Variants in DPYSL2 observed in about 807,000 individuals in gnomAD.
The protein encoded by DPYSL2 is dihydropyrimidinase like 2, also known as dihydropyrimidinase-related protein 2.
A neutral mutation model predicts 69.9 loss-of-function variants in DPYSL2; 13 were observed. The observed-to-expected ratio is 0.19, with a 90% CI of 0.12 to 0.30. DPYSL2 has a LOEUF of 0.30. Among genes scored for constraint, DPYSL2 ranks in the 10% least tolerant of loss-of-function variants. The probability of loss-of-function intolerance (pLI) is 1.00; values close to 1 mark genes in which losing one functional copy is unlikely to be tolerated. For synonymous variants in DPYSL2, 326 were observed against 359.1 expected (o/e 0.91, Z 1.04); for missense variants, 587 against 918.9 (o/e 0.64, Z 4.67).
chr8:26,594,414 G>A (rs770582601), intron 3 of DPYSL2, among the ~76,000 whole-genome samples: 1 of 151,924 alleles, frequency 6.6e-6, no homozygotes, highest in Non-Finnish European at 1.5e-5. Flanking sequence ...ATAGCCAGGT[G>A]GCCTCCAGAA....
intron 7 of DPYSL2, 90 bp downstream of exon 7, chr8:26,628,030 G>T: frequency 7.6e-7 from 1 of 1,322,092 alleles, no homozygotes; most frequent in South Asian, 1.3e-5. Context: ...TGTTGAGAAG[G>T]GGGCTTCTCT....
chr8:26,555,588 AAAG>A lies in DPYSL2; in HGVS notation c.355-26376_355-26374del, dbSNP rs557922360. ...TCTACAATTCCCTATGCACAAAATC[AAAG>A]AAGATCTAAATATATGGAAAGGCTT... On this transcript the variant is annotated intron_variant, in intron 1 of 13. Transcript: ENST00000521913. 3.1e-3 allele frequency among the ~76,000 whole-genome samples: 478 copies of A among 152,244 alleles called. 1 individual carries two copies. Among genetic ancestry groups the A allele is most frequent in the African/African-American group, 0.01 (428 of 41,544 alleles).
intron 1 of DPYSL2, chr8:26,578,029 C>T: frequency 7.1e-7 from 1 of 1,402,480 alleles, no homozygotes; most frequent in Non-Finnish European, 9.2e-7. Context: ...TTTTTTTCCG[C>T]CCTAGCTGGG....
intron 1 of DPYSL2, among the ~76,000 whole-genome samples, chr8:26,550,446 A>G (rs906782025): frequency 6.6e-6 from 1 of 152,244 alleles, no homozygotes. Flanking sequence ...CCAACTATCA[A>G]TAATCACTTA....
In DPYSL2 at chr8:26,564,240, T is replaced by C. The variant is rs1801115652; in HGVS notation, c.355-17729T>C. 1.3e-5 allele frequency among the ~76,000 whole-genome samples: 2 copies of C among 152,038 alleles called. No individual in the cohort carries two copies. Among genetic ancestry groups the C allele is most frequent in the Admixed American group, 6.6e-5 (1 of 15,260 alleles). On this transcript the variant is annotated intron_variant, in intron 1 of 13. Transcript: ENST00000521913. This position sits in a 1 kb window ranked among gnomAD's most constrained non-coding sequence, Gnocchi z 4.8. ...AGGCGAAGAGGCCAACTGTAGTGGG[T>C]TGAGAAGCAAATGGGAGTGGAAGTT... is the stretch of plus-strand genomic sequence containing the variant.
At position 26,644,167 on chromosome 8, in the gene DPYSL2, TGGA is replaced by T; in HGVS notation, c.1425+79_1425+81del. On this transcript the variant is annotated intron_variant, in intron 10 of 13. Coordinates refer to ENST00000521913, the MANE Select transcript of DPYSL2 (RefSeq NM_001197293.3). The surrounding 1 kb of genome is among the most constrained non-coding windows in gnomAD (Gnocchi z 4.5). ...CCTCATCTGGGGGCCATGGGGCTCATGGAGGCCTTGAAATGACAGACAGTGGAG... is the reference window on the plus strand; with the variant it reads ...CCTCATCTGGGGGCCATGGGGCTCATGGCCTTGAAATGACAGACAGTGGAG... 6.5e-7 allele frequency: 1 copy of T among 1,536,656 alleles called. No individual in the cohort carries two copies. The highest frequency in any genetic ancestry group is 2.3e-5 in the East Asian group (1 of 43,122).
At chr8:26,651,810 G>A (rs141101261) in intron 11 of DPYSL2, among the ~76,000 whole-genome samples, 14 of 152,136 alleles carry the variant, frequency 9.2e-5, no homozygotes, top group Non-Finnish European at 1.6e-4. Context: ...TAACCACACC[G>A]CAAACAGACT....
chr8:26,527,318 T>C (rs1236149051), intron 1 of DPYSL2, among the ~76,000 whole-genome samples: 1 of 152,250 alleles, frequency 6.6e-6, no homozygotes, highest in Non-Finnish European at 1.5e-5. Flanking sequence ...AGAGATATCT[T>C]CCTACCCTTC....
intron 1 of DPYSL2, chr8:26,548,007 G>T: frequency 3.8e-6 from 1 of 265,690 alleles, no homozygotes; most frequent in African/African-American, 2.2e-5. Context: ...TGTTCCCCTG[G>T]ATAAGACAGA....
rs1585483798 is a variant in DPYSL2, at chr8:26,516,743, G to A, written c.354+2064G>A. On this transcript the variant is annotated intron_variant, in intron 1 of 13. Coordinates refer to ENST00000521913, the MANE Select transcript of DPYSL2 (RefSeq NM_001197293.3). The surrounding 1 kb of genome is among the most constrained non-coding windows in gnomAD (Gnocchi z 4.8). ...TAGTAACAGAGGGCGATTCTAGCTTGGCCTTTCTGCAGCACCTTCCCCTGA... is the reference window on the plus strand; with the variant it reads ...TAGTAACAGAGGGCGATTCTAGCTTAGCCTTTCTGCAGCACCTTCCCCTGA... 6.6e-6 allele frequency among the ~76,000 whole-genome samples: 1 copy of A among 152,208 alleles called. No individual in the cohort carries two copies. Among genetic ancestry groups the A allele is most frequent in the East Asian group, 1.9e-4 (1 of 5,178 alleles).
At chr8:26,520,937 C>G (rs1808374542) in intron 1 of DPYSL2, among the ~76,000 whole-genome samples, 1 of 152,038 alleles carries the variant, frequency 6.6e-6, no homozygotes, top group Admixed American at 6.6e-5. Flanking sequence ...GGTCACTATC[C>G]TGCTTATGAG....
rs327234 is a variant in DPYSL2 at position 26,587,153 on chromosome 8, T to C, written c.628+3170T>C. Among the ~76,000 whole-genome samples, 77,169 of 151,944 alleles carry C rather than the reference T, an allele frequency of 0.51. 20,586 individuals are homozygous for C. The highest frequency in any genetic ancestry group is 0.67 in the African/African-American group (27,679 of 41,412). The stretch of plus-strand genomic sequence containing the variant: ...GTGAGTGAGTGGCTGGGATTTGCTT[T>C]ACAGAGAAGGAGGCCTTGCAAAGAG... On this transcript the variant is annotated intron_variant, in intron 3 of 13. Coordinates refer to ENST00000521913, the MANE Select transcript of DPYSL2 (RefSeq NM_001197293.3). The surrounding 1 kb of genome is among the most constrained non-coding windows in gnomAD (Gnocchi z 4.2).
At chr8:26,557,925 G>A (rs944327951) in intron 1 of DPYSL2, among the ~76,000 whole-genome samples, 23 of 151,684 alleles carry the variant, frequency 1.5e-4, no homozygotes, top group Admixed American at 1.3e-3. Context: ...AGTTCCTGTC[G>A]CTCTACATCC....
chr8:26,632,318 A>C (rs988025462), intron 7 of DPYSL2, among the ~76,000 whole-genome samples: 1 of 152,242 alleles, frequency 6.6e-6, no homozygotes, highest in African/African-American at 2.4e-5. Flanking sequence ...ACTGTGGACA[A>C]GGCGAGGAGA....
rs559292088 is a variant in DPYSL2 at position 26,604,911 on chromosome 8, C to T, written c.629-19232C>T. Among the ~76,000 whole-genome samples the T allele has an allele frequency of 2.0e-3, 303 of 152,140 alleles. 2 individuals are homozygous for T. Among genetic ancestry groups the T allele is most frequent in the Middle Eastern group, 0.01 (3 of 294 alleles). On this transcript the variant is annotated intron_variant, in intron 3 of 13. Transcript: ENST00000521913. Reference sequence around the variant, plus strand: ...CTGACCTCAAGTTATTCACCCACCTCGGCCTCCCAAAGTGCTGGGATTACA... The same window carrying T: ...CTGACCTCAAGTTATTCACCCACCTTGGCCTCCCAAAGTGCTGGGATTACA...
intron 1 of DPYSL2, 38 bp from the exon 2 acceptor site, chr8:26,581,931 C>T: frequency 2.1e-6 from 3 of 1,458,992 alleles, no homozygotes; most frequent in Non-Finnish European, 2.9e-6. Flanking sequence ...TCTCATAGGT[C>T]AGTTACGCGT....
intron 7 of DPYSL2, among the ~76,000 whole-genome samples, chr8:26,633,570 C>A (rs1384958036): frequency 6.6e-6 from 1 of 152,142 alleles, no homozygotes; most frequent in African/African-American, 2.4e-5. Flanking sequence ...TGGGTTCCAG[C>A]GATTCTCCTG....
chr8:26,554,452 C>A (rs1800913782), intron 1 of DPYSL2, among the ~76,000 whole-genome samples: 1 of 148,596 alleles, frequency 6.7e-6, no homozygotes, highest in Non-Finnish European at 1.5e-5. Context: ...AATATTTTTT[C>A]CCATTCTGTA....
At position 26,516,944 on chromosome 8, in the gene DPYSL2, G is replaced by A. The variant is rs572321011; in HGVS notation, c.354+2265G>A. ...TTATATTTATAACAATGTGACTTCCGAAAAGCTCAACTGGCCCACCATTTT... is the reference window on the plus strand; with the variant it reads ...TTATATTTATAACAATGTGACTTCCAAAAAGCTCAACTGGCCCACCATTTT... On this transcript the variant is annotated intron_variant, in intron 1 of 13. Transcript: ENST00000521913. This position sits in a 1 kb window ranked among gnomAD's most constrained non-coding sequence, Gnocchi z 4.8. Among the ~76,000 whole-genome samples the A allele has an allele frequency of 2.6e-4, 39 of 152,260 alleles. No individual in the cohort carries two copies. Among genetic ancestry groups the A allele is most frequent in the Non-Finnish European group, 5.4e-4 (37 of 68,034 alleles).
Sources: gnomAD v4.1 joint callset for allele counts (sites outside exome capture counted in the v4.1 genomes callset) on GRCh38, gnomAD v4.1.1 for gene constraint, Gnocchi (gnomAD v3.1) non-coding constraint, MANE v1.5 for transcripts, NCBI Gene and HGNC (gene_info 2026-07-23, HGNC 2026-07-21) for gene names.